DMD: variants seen among roughly 807,000 people sequenced by gnomAD.
The protein encoded by DMD is mutant dystrophin.
DMD carries 63 observed loss-of-function variants against 330.1 expected under a neutral mutation model. That is an observed-to-expected ratio of 0.19 (90% CI 0.16 to 0.24). The LOEUF is 0.24. Among genes scored for constraint, DMD ranks in the 10% least tolerant of loss-of-function variants. The probability of loss-of-function intolerance (pLI) is 1.00; values close to 1 mark genes in which losing one functional copy is unlikely to be tolerated. For missense variants in DMD, 3,344 were observed against 2,684.1 expected (o/e 1.25, Z -5.43); for synonymous variants, 1,223 against 959.8 (o/e 1.27, Z -5.07).
At chrX:32,231,986 C>T (rs909825966) in intron 43 of DMD, among the ~76,000 whole-genome samples, 7 of 111,175 alleles carry the variant, frequency 6.3e-5, no homozygotes, top group Non-Finnish European at 1.1e-4. Context: ...GTGTTTGCAA[C>T]ACACAAATAT....
chrX:32,089,140 A>G (rs1569541626), intron 44 of DMD, among the ~76,000 whole-genome samples: 1 of 111,242 alleles, frequency 9.0e-6, no homozygotes. Flanking sequence ...TCGTGTAGCC[A>G]TCATCGCAGG....
At chrX:33,132,966 ATCAC>A (rs763608880) in intron 1 of DMD, among the ~76,000 whole-genome samples, 39 of 112,031 alleles carry the variant, frequency 3.5e-4, no homozygotes, top group Non-Finnish European at 6.4e-4. Context: ...TAAGATGATA[ATCAC>A]TCACATTTCC....
At chrX:32,344,391 T>C (rs187801446) in intron 39 of DMD, among the ~76,000 whole-genome samples, 27 of 111,812 alleles carry the variant, frequency 2.4e-4, no homozygotes, top group Admixed American at 6.7e-4. Flanking sequence ...GTTTGGCGAG[T>C]AGTGTTGACG....
intron 67 of DMD, among the ~76,000 whole-genome samples, chrX:31,188,018 T>C (rs919299958): frequency 2.7e-5 from 3 of 111,991 alleles, no homozygotes; most frequent in African/African-American, 9.7e-5. Context: ...GGCTGTAGAA[T>C]GTTCTACTCT....
intron 41 of DMD, among the ~76,000 whole-genome samples, chrX:32,315,047 C>T (rs2097578382): frequency 9.0e-6 from 1 of 111,546 alleles, no homozygotes; most frequent in African/African-American, 3.3e-5. Context: ...GATATATACC[C>T]AAAGGATTAT....
At chrX:32,741,670 G>A (rs1449317154) in intron 7 of DMD, among the ~76,000 whole-genome samples, 2 of 111,704 alleles carry the variant, frequency 1.8e-5, no homozygotes, top group African/African-American at 6.5e-5. Flanking sequence ...TTTTGTGTTT[G>A]TACAAATGTG....
intron 1 of DMD, among the ~76,000 whole-genome samples, chrX:33,299,721 C>T (rs2053634792): frequency 1.8e-5 from 2 of 112,083 alleles, no homozygotes; most frequent in South Asian, 7.4e-4. Context: ...TTTACATTGT[C>T]CTTTTTTACA....
rs768165561 is a variant in DMD, at chrX:32,454,208, C to A, written c.3603+454G>T. Among the ~76,000 whole-genome samples, 186 of 111,217 alleles carry A rather than the reference C, an allele frequency of 1.7e-3. 3 individuals are homozygous for A. Among genetic ancestry groups the A allele is most frequent in the African/African-American group, 5.9e-3 (181 of 30,845 alleles). On this transcript the variant is annotated intron_variant, in intron 26 of 78. Transcript: ENST00000357033. ...TACATGTAAACTCAGTCCTTTCTAT[C>A]CATATTAAAGGCTACGGGTTCAAAT...
At chrX:31,924,832 C>G (rs1281460528) in intron 47 of DMD, among the ~76,000 whole-genome samples, 2 of 111,638 alleles carry the variant, frequency 1.8e-5, no homozygotes, top group African/African-American at 6.5e-5. Flanking sequence ...TAGTAATTTA[C>G]CATTTACATA....
At chrX:32,809,426 C>A in intron 7 of DMD, 67 bp downstream of exon 7, 1 of 908,495 alleles carries the variant, frequency 1.1e-6, no homozygotes, top group Non-Finnish European at 1.6e-6. Context: ...GTAGAAATGA[C>A]AAGTCTCAGA....
intron 2 of DMD, among the ~76,000 whole-genome samples, chrX:32,978,898 T>C (rs12838021): frequency 0.029 from 3,303 of 112,323 alleles, 87 homozygotes; most frequent in East Asian, 0.17. Flanking sequence ...TCATTGTAAC[T>C]ATGGCCAAAA....
intron 7 of DMD, among the ~76,000 whole-genome samples, chrX:32,711,656 C>T (rs1014871399): frequency 1.8e-5 from 2 of 111,903 alleles, no homozygotes; most frequent in Admixed American, 1.9e-4. Flanking sequence ...ACAGTACAGA[C>T]GCATTTAAAG....
chrX:32,721,224 A>G (rs1475561165), intron 7 of DMD, among the ~76,000 whole-genome samples: 1 of 110,751 alleles, frequency 9.0e-6, no homozygotes, highest in African/African-American at 3.3e-5. Context: ...TATACCCAGG[A>G]GTGGGATTGT....
At chrX:31,241,562 A>G (rs1369645003) in intron 63 of DMD, among the ~76,000 whole-genome samples, 1 of 111,540 alleles carries the variant, frequency 9.0e-6, no homozygotes, top group East Asian at 2.8e-4. Flanking sequence ...CCTCAATGGT[A>G]TCACCATTCT....
intron 45 of DMD, among the ~76,000 whole-genome samples, chrX:31,968,128 A>G (rs2150185554): frequency 8.9e-6 from 1 of 111,797 alleles, no homozygotes; most frequent in East Asian, 2.8e-4. Context: ...AGTTTAAAAT[A>G]GCAGAAAACC....
At chrX:32,256,532 G>A (rs1329320434) in intron 43 of DMD, among the ~76,000 whole-genome samples, 1 of 110,364 alleles carries the variant, frequency 9.1e-6, no homozygotes, top group African/African-American at 3.3e-5. Flanking sequence ...ATATTGTCAT[G>A]TGTGAATGTG....
chrX:33,338,965 A>G (rs2054295875), intron 1 of DMD, among the ~76,000 whole-genome samples: 1 of 111,199 alleles, frequency 9.0e-6, no homozygotes, highest in Non-Finnish European at 1.9e-5. Context: ...CCCTGTCATC[A>G]TCTACCTGAA....
In DMD at chrX:32,789,234, T is replaced by C. The variant is rs752541865; in HGVS notation, c.649+20259A>G. Among the ~76,000 whole-genome samples the C allele has an allele frequency of 2.1e-3, 233 of 112,404 alleles. 1 individual carries two copies. Among genetic ancestry groups the C allele is most frequent in the African/African-American group, 7.3e-3 (225 of 30,981 alleles). On this transcript the variant is annotated intron_variant, in intron 7 of 78. Transcript: ENST00000357033. ...AGCTAGTCTATTTTTACTTTGTCTGTGGATGAACAATTTCTCATTAACAGA... is the reference window on the plus strand; with the variant it reads ...AGCTAGTCTATTTTTACTTTGTCTGCGGATGAACAATTTCTCATTAACAGA...
chrX:31,906,950 C>T (rs1358340209), intron 47 of DMD, among the ~76,000 whole-genome samples: 1 of 112,325 alleles, frequency 8.9e-6, no homozygotes, highest in Non-Finnish European at 1.9e-5. Context: ...TGTTTTGAGA[C>T]ACCAGAATGT....
Sources: allele counts gnomAD v4.1 joint callset (sites outside exome capture counted in the v4.1 genomes callset), GRCh38; gene constraint gnomAD v4.1.1; transcripts MANE v1.5; gene names NCBI Gene and HGNC (gene_info 2026-07-23, HGNC 2026-07-21).